Variants in PCDHGA3 observed in about 807,000 individuals in gnomAD.
PCDHGA3 encodes the protein protocadherin gamma-A3.
A neutral mutation model predicts 58.5 loss-of-function variants in PCDHGA3; 40 were observed. The ratio of observed to expected loss-of-function variants is 0.68; its 90% CI spans 0.53 to 0.89. The LOEUF is 0.89. Ranked by LOEUF, PCDHGA3 falls within the 40% of genes least tolerant of loss-of-function variation. The pLI is 0.00. For synonymous variants in PCDHGA3, 530 were observed against 525.7 expected, an observed-to-expected ratio of 1.01 and a Z score of -0.11; for missense variants, 1,223 against 1,195.9, an observed-to-expected ratio of 1.02 and a Z score of -0.33.
intron 1 of PCDHGA3, chr5:141,382,771 A>G: frequency 1.3e-6 from 1 of 753,180 alleles, no homozygotes; most frequent in Non-Finnish European, 2.1e-6. Flanking sequence ...TCCAGGCTGC[A>G]CTAAACTCAA....
At chr5:141,474,090 AAACAACAACAAAAAC>A (rs1459798801) in intron 1 of PCDHGA3, among the ~76,000 whole-genome samples, 1 of 152,206 alleles carries the variant, frequency 6.6e-6, no homozygotes, top group African/African-American at 2.4e-5. Flanking sequence ...ACCAAAAAAC[AAACAACAACAAAAAC>A]AACAACAACG....
At chr5:141,427,938 G>A in intron 1 of PCDHGA3, 1 of 1,584,968 alleles carries the variant, frequency 6.3e-7, no homozygotes, top group South Asian at 1.1e-5. Context: ...GTTGGTGGGC[G>A]ACCTCAATGA....
chr5:141,373,414 T>C (rs1351552261), intron 1 of PCDHGA3, among the ~76,000 whole-genome samples: 1 of 152,222 alleles, frequency 6.6e-6, no homozygotes, highest in Non-Finnish European at 1.5e-5. Context: ...TCCCAGCTAC[T>C]CGGGAGGCTG....
At chr5:141,397,626 C>G (rs539348100) in intron 1 of PCDHGA3, among the ~76,000 whole-genome samples, 27 of 152,256 alleles carry the variant, frequency 1.8e-4, no homozygotes, top group Middle Eastern at 3.4e-3. Context: ...TTAGTTCTAG[C>G]TAAGAGTTCA....
Position 141,511,176 on chromosome 5 carries a change from T to C in PCDHGA3, c.*3T>C, listed in dbSNP as rs375508988. On this transcript the variant is annotated 3_prime_UTR_variant, in exon 4 of 4. Transcript: ENST00000253812. ...CGGGCAAGAAGGAGAAGAAGTAACA[T>C]GGAGGCCAGGCCAAGAGCCACAGGG... 198 of 1,614,046 alleles carry C rather than the reference T, an allele frequency of 1.2e-4. 1 individual carries two copies. The highest frequency in any genetic ancestry group is 6.5e-5 in the Non-Finnish European group (77 of 1,179,964).
chr5:141,485,886 A>G lies in PCDHGA3; in HGVS notation c.2425-8921A>G. 1.9e-6 allele frequency: 3 copies of G among 1,614,132 alleles called. No individual in the cohort carries two copies. Among genetic ancestry groups the G allele is most frequent in the Non-Finnish European group, 2.5e-6 (3 of 1,180,016 alleles). On this transcript the variant is annotated intron_variant, in intron 1 of 3. Transcript: ENST00000253812. This position sits in a 1 kb window ranked among gnomAD's most constrained non-coding sequence, Gnocchi z 5.7. ...GTATCCGTGCTGGACGTAAACGACAACGCCCCAGCCTTCCAGCAATCCAGC... is the reference window on the plus strand; with the variant it reads ...GTATCCGTGCTGGACGTAAACGACAGCGCCCCAGCCTTCCAGCAATCCAGC...
chr5:141,415,522 C>T, intron 1 of PCDHGA3: 1 of 1,614,178 alleles, frequency 6.2e-7, no homozygotes, highest in African/African-American at 1.3e-5. Flanking sequence ...TGCGGACACG[C>T]TCATCAGCCA....
intron 1 of PCDHGA3, chr5:141,355,130 A>C (rs573009083): frequency 6.6e-7 from 1 of 1,518,662 alleles, no homozygotes; most frequent in South Asian, 1.3e-5. Context: ...TTGGACCCAG[A>C]AGATCCTGGG....
At chr5:141,473,884 G>T (rs1162382168) in intron 1 of PCDHGA3, among the ~76,000 whole-genome samples, 1 of 152,162 alleles carries the variant, frequency 6.6e-6, no homozygotes, top group African/African-American at 2.4e-5. Context: ...ATACACAAGG[G>T]TTCTGTTGGT....
In PCDHGA3 at chr5:141,486,675, A is replaced by T; in HGVS notation, c.2425-8132A>T. On this transcript the variant is annotated intron_variant, in intron 1 of 3. Coordinates refer to ENST00000253812, the MANE Select transcript of PCDHGA3 (RefSeq NM_018916.4). The surrounding 1 kb of genome is among the most constrained non-coding windows in gnomAD (Gnocchi z 5.0). ...TCACTCCTGGAGCCCAGGAATCGAGATGTATCAGCTTCCTCTTTCATCTCT... is the reference window on the plus strand; with the variant it reads ...TCACTCCTGGAGCCCAGGAATCGAGTTGTATCAGCTTCCTCTTTCATCTCT... The T allele has an allele frequency of 6.2e-7, 1 of 1,614,056 alleles. No individual in the cohort carries two copies. The highest frequency in any genetic ancestry group is 8.5e-7 in the Non-Finnish European group (1 of 1,180,016).
Position 141,489,084 on chromosome 5 carries a change from C to T in PCDHGA3, c.2425-5723C>T, listed in dbSNP as rs1232276875. On this transcript the variant is annotated intron_variant, in intron 1 of 3. Transcript: ENST00000253812. This position sits in a 1 kb window ranked among gnomAD's most constrained non-coding sequence, Gnocchi z 4.5. ...CTCCCCCCTGCCCACCCCCGCCACTCGGTGACTAAGAACTGCTGCAAGCAG... is the reference window on the plus strand; with the variant it reads ...CTCCCCCCTGCCCACCCCCGCCACTTGGTGACTAAGAACTGCTGCAAGCAG... The T allele has an allele frequency of 1.5e-5, 5 of 329,072 alleles. No homozygotes were observed. Among genetic ancestry groups the T allele is most frequent in the South Asian group, 1.3e-4 (2 of 15,846 alleles). The allele number at this position is 329,072 out of a possible 1,614,324, so 20.4% of individuals were successfully genotyped here. A position where few individuals can be genotyped will look rare whatever the true frequency, so the allele number is the denominator to read the frequency against.
rs1267617024 is a variant in PCDHGA3 at position 141,476,542 on chromosome 5, G to T, written c.2425-18265G>T. The T allele has an allele frequency of 6.2e-7, 1 of 1,614,210 alleles. No individual in the cohort carries two copies. The highest frequency in any genetic ancestry group is 1.7e-5 in the Admixed American group (1 of 60,036). On this transcript the variant is annotated intron_variant, in intron 1 of 3. Transcript: ENST00000253812. This position sits in a 1 kb window ranked among gnomAD's most constrained non-coding sequence, Gnocchi z 7.6. ...CTTTCCCTACCCAGGAAATGAAATT[G>T]GAGATTAGCGAGGCCGTGGCTCCGG...
chr5:141,420,271 A>G, intron 1 of PCDHGA3: 1 of 1,536,584 alleles, frequency 6.5e-7, no homozygotes, highest in Non-Finnish European at 8.8e-7. Flanking sequence ...AGATTCTTAA[A>G]CAGGTAAGTA....
chr5:141,465,454 T>A (rs1031876441), intron 1 of PCDHGA3, among the ~76,000 whole-genome samples: 1 of 152,184 alleles, frequency 6.6e-6, no homozygotes, highest in Non-Finnish European at 1.5e-5. Flanking sequence ...AAGAAAACTC[T>A]CACCAAATTG....
intron 1 of PCDHGA3, chr5:141,376,346 C>T (rs1772586691): frequency 2.5e-6 from 4 of 1,614,194 alleles, no homozygotes; most frequent in East Asian, 4.5e-5. Context: ...GACCTATTCC[C>T]ACGAGGTCTC....
Position 141,415,225 on chromosome 5 carries a change from T to C in PCDHGA3, c.2424+68768T>C, listed in dbSNP as rs189700811. On this transcript the variant is annotated intron_variant, in intron 1 of 3. Transcript: ENST00000253812. ...CCTGGCGGACCTCGGCAGCTTCGAG[T>C]CTCCAGCTAACTCTGAAACCTCAGA... 12,267 of 1,614,024 alleles carry C rather than the reference T, an allele frequency of 7.6e-3. 74 individuals carry two copies. Among genetic ancestry groups the C allele is most frequent in the Non-Finnish European group, 9.2e-3 (10,854 of 1,180,002 alleles).
At chr5:141,359,845 CTT>C (rs1274862638) in intron 1 of PCDHGA3, among the ~76,000 whole-genome samples, 2 of 152,024 alleles carry the variant, frequency 1.3e-5, no homozygotes, top group African/African-American at 2.4e-5. Flanking sequence ...CAAATGAAGA[CTT>C]TATAAATTAA....
chr5:141,494,903 G>A (rs760748707), intron 2 of PCDHGA3, 38 bp downstream of exon 2: 39 of 1,613,894 alleles, frequency 2.4e-5, no homozygotes, highest in Non-Finnish European at 3.1e-5. Context: ...TCTTCTCTGC[G>A]GCATTTTCTC....
chr5:141,383,727 A>G, intron 1 of PCDHGA3: 1 of 1,614,016 alleles, frequency 6.2e-7, no homozygotes, highest in South Asian at 1.1e-5. Flanking sequence ...TCAATGGGGA[A>G]GTGACATATT....
Sources: gnomAD v4.1 joint callset for allele counts (sites outside exome capture counted in the v4.1 genomes callset) on GRCh38, gnomAD v4.1.1 for gene constraint, Gnocchi (gnomAD v3.1) non-coding constraint, MANE v1.5 for transcripts, NCBI Gene and HGNC (gene_info 2026-07-23, HGNC 2026-07-21) for gene names.